GALNT17: variants seen among roughly 807,000 people sequenced by gnomAD.
GALNT17 encodes polypeptide N-acetylgalactosaminyltransferase 17.
In GALNT17, 29 loss-of-function variants were observed where a neutral mutation model predicts 63.7. The observed-to-expected ratio is 0.46, with a 90% CI of 0.34 to 0.62. The LOEUF is 0.62. GALNT17 is among the 20% of genes least tolerant of loss of function. The pLI is 0.01. For synonymous variants in GALNT17, 305 were observed against 318.3 expected (o/e 0.96, Z 0.45); for missense variants, 603 against 799.6 (o/e 0.75, Z 2.97).
At chr7:71,584,158 C>T (rs1433499212) in intron 6 of GALNT17, among the ~76,000 whole-genome samples, 1 of 151,964 alleles carries the variant, frequency 6.6e-6, no homozygotes, top group Admixed American at 6.6e-5. Flanking sequence ...AAAGGGCCTC[C>T]TTCTTAGAGT....
intron 5 of GALNT17, among the ~76,000 whole-genome samples, chr7:71,521,280 T>A (rs1405300606): frequency 6.6e-6 from 1 of 152,022 alleles, no homozygotes; most frequent in Admixed American, 6.6e-5. Context: ...GCTGGTGAGT[T>A]AGGCCAAGAC....
intron 1 of GALNT17, among the ~76,000 whole-genome samples, chr7:71,261,716 G>A (rs976705611): frequency 1.3e-5 from 2 of 152,232 alleles, no homozygotes; most frequent in Non-Finnish European, 2.9e-5. Flanking sequence ...GGTGGTGATC[G>A]TGACAACCGT....
chr7:71,450,668 C>A (rs1019667189), intron 5 of GALNT17, among the ~76,000 whole-genome samples: 3 of 152,002 alleles, frequency 2.0e-5, no homozygotes, highest in Admixed American at 1.3e-4. Flanking sequence ...TTCTCATTTC[C>A]CTCTAACTCT....
At position 71,482,189 on chromosome 7, in the gene GALNT17, AC is replaced by A. The variant is rs572567382; in HGVS notation, c.962+61087del. Among the ~76,000 whole-genome samples the A allele has an allele frequency of 2.6e-3, 367 of 141,180 alleles. 2 individuals carry two copies. The highest frequency in any genetic ancestry group is 9.4e-3 in the African/African-American group (351 of 37,522). The allele number at this position is 141,180 out of a possible 152,430, so 92.6% of individuals were successfully genotyped here. A position where few individuals can be genotyped will look rare whatever the true frequency, so the allele number is the denominator to read the frequency against. ...TTTTGAGACGGAGTCTCGCTCTGTCACCCGGTCTGGAGTGCAGTGGTGCGAT... is the reference window on the plus strand; with the variant it reads ...TTTTGAGACGGAGTCTCGCTCTGTCACCGGTCTGGAGTGCAGTGGTGCGAT... On this transcript the variant is annotated intron_variant, in intron 5 of 10. Transcript: ENST00000333538.
intron 1 of GALNT17, among the ~76,000 whole-genome samples, chr7:71,250,822 A>G (rs1276480574): frequency 6.6e-6 from 1 of 152,218 alleles, no homozygotes; most frequent in Non-Finnish European, 1.5e-5. Context: ...CCCTGAGCAC[A>G]GCAAACCTGC....
intron 5 of GALNT17, among the ~76,000 whole-genome samples, chr7:71,499,766 C>G (rs1040457916): frequency 6.6e-6 from 1 of 152,220 alleles, no homozygotes; most frequent in Non-Finnish European, 1.5e-5. Context: ...CACTGACTCA[C>G]TGATATGGTT....
At chr7:71,427,569 C>T (rs1051848646) in intron 5 of GALNT17, among the ~76,000 whole-genome samples, 1 of 152,178 alleles carries the variant, frequency 6.6e-6, no homozygotes, top group Middle Eastern at 3.4e-3. Flanking sequence ...AGGGTACTCT[C>T]GACTTCTGCC....
chr7:71,571,188 A>G lies in GALNT17; in HGVS notation c.963-97A>G, dbSNP rs1336850665. On this transcript the variant is annotated intron_variant, in intron 5 of 10. Coordinates refer to ENST00000333538, the MANE Select transcript of GALNT17 (RefSeq NM_022479.3). ...GTACATGCTAGGCTGGAACCAGTAC[A>G]TGCTAGACCGGAACCAGTACATACT... 14 of 1,035,084 alleles carry G rather than the reference A, an allele frequency of 1.4e-5. 1 individual carries two copies. The highest frequency in any genetic ancestry group is 2.1e-5 in the Non-Finnish European group (14 of 665,362). 64.1% of individuals were successfully genotyped at this position (1,035,084 alleles called of 1,614,324 possible).
At chr7:71,429,620 A>G (rs1182177784) in intron 5 of GALNT17, among the ~76,000 whole-genome samples, 1 of 152,144 alleles carries the variant, frequency 6.6e-6, no homozygotes, top group Admixed American at 6.6e-5. Context: ...ATAGTTCATC[A>G]TGGCCTCCAA....
chr7:71,254,001 C>T (rs1790246466), intron 1 of GALNT17, among the ~76,000 whole-genome samples: 1 of 152,046 alleles, frequency 6.6e-6, no homozygotes, highest in African/African-American at 2.4e-5. Context: ...GAACATGTGC[C>T]CCAGGAGGTC....
At chr7:71,687,195 C>T (rs1036845882) in intron 9 of GALNT17, among the ~76,000 whole-genome samples, 4 of 152,236 alleles carry the variant, frequency 2.6e-5, no homozygotes, top group Admixed American at 2.6e-4. Context: ...CGTTTCTTCT[C>T]TCAGTTAATT....
Position 71,361,415 on chromosome 7 carries a change from C to T in GALNT17, c.422+25682C>T, listed in dbSNP as rs555911944. Among the ~76,000 whole-genome samples, 9 of 152,224 alleles carry T rather than the reference C, an allele frequency of 5.9e-5. No homozygotes were observed. In the South Asian group the frequency reaches 8.3e-4, roughly 14 times the overall value. ...ACACCATTTCTATTATCTGAGACCG[C>T]CTTGAAGGTTTCTTCCCCTTTCGAT... is the stretch of plus-strand genomic sequence containing the variant. On this transcript the variant is annotated intron_variant, in intron 2 of 10. Coordinates refer to ENST00000333538, the MANE Select transcript of GALNT17 (RefSeq NM_022479.3).
At chr7:71,573,851 C>T (rs186810559) in intron 6 of GALNT17, among the ~76,000 whole-genome samples, 1 of 152,218 alleles carries the variant, frequency 6.6e-6, no homozygotes, top group East Asian at 1.9e-4. Flanking sequence ...CAAGTAGGCC[C>T]CAGTGTCTGT....
intron 1 of GALNT17, among the ~76,000 whole-genome samples, chr7:71,157,772 C>T (rs2116238219): frequency 1.3e-5 from 2 of 151,850 alleles, no homozygotes; most frequent in Middle Eastern, 3.4e-3. Flanking sequence ...CTCCACCATT[C>T]CTCCCTCCCT....
At chr7:71,606,796 T>C (rs1790054652) in intron 6 of GALNT17, among the ~76,000 whole-genome samples, 1 of 152,232 alleles carries the variant, frequency 6.6e-6, no homozygotes, top group South Asian at 2.1e-4. Context: ...AATCCCATCT[T>C]GATTTTTTCT....
At chr7:71,479,903 C>T (rs567383467) in intron 5 of GALNT17, among the ~76,000 whole-genome samples, 1 of 152,328 alleles carries the variant, frequency 6.6e-6, no homozygotes, top group South Asian at 2.1e-4. Flanking sequence ...ACGTCTTCTT[C>T]TGTGATCATG....
chr7:71,496,891 T>C (rs1303468805), intron 5 of GALNT17, among the ~76,000 whole-genome samples: 2 of 151,062 alleles, frequency 1.3e-5, no homozygotes, highest in South Asian at 4.2e-4. Flanking sequence ...CTGGGCAAAG[T>C]AGCGAGACCA....
At chr7:71,242,272 C>CTTTTTCT (rs1790011331) in intron 1 of GALNT17, among the ~76,000 whole-genome samples, 1 of 86,012 alleles carries the variant, frequency 1.2e-5, no homozygotes, top group Non-Finnish European at 2.5e-5. Context: ...TTTTCTTTTT[C>CTTTTTCT]TTTTTTTTTT....
At chr7:71,287,421 A>G (rs1790894773) in intron 1 of GALNT17, among the ~76,000 whole-genome samples, 1 of 152,046 alleles carries the variant, frequency 6.6e-6, no homozygotes, top group Admixed American at 6.6e-5. Flanking sequence ...CTTAAGAAAC[A>G]CTTTTATCTA....
Sources: gnomAD v4.1 joint callset for allele counts (sites outside exome capture counted in the v4.1 genomes callset) on GRCh38, gnomAD v4.1.1 for gene constraint, MANE v1.5 for transcripts, NCBI Gene and HGNC (gene_info 2026-07-23, HGNC 2026-07-21) for gene names.